Variants in RBM28 observed in about 807,000 individuals in gnomAD.
RBM28 encodes RNA-binding protein 28.
Under a neutral mutation model 98.3 loss-of-function variants are expected in RBM28, and 78 were observed. The observed-to-expected ratio is 0.79, with a 90% CI of 0.66 to 0.96. The LOEUF (loss-of-function observed/expected upper bound fraction) is 0.96, where lower values mean the gene tolerates loss of function less well. Ranked by LOEUF, RBM28 falls within the 40% of genes least tolerant of loss-of-function variation. The pLI, the probability that RBM28 is intolerant of heterozygous loss-of-function variation, is 0.00. For missense variants in RBM28, 838 were observed against 913.0 expected (o/e 0.92, Z 1.06); for synonymous variants, 306 against 330.9 (o/e 0.92, Z 0.82).
rs997271538 is a variant in RBM28, at chr7:128,303,995, A to G, written c.*6802T>C. The G allele has an allele frequency of 1.3e-5, 2 of 152,194 alleles. No homozygotes were observed. The highest frequency in any genetic ancestry group is 2.9e-5 in the Non-Finnish European group (2 of 68,050). 9.4% of individuals were successfully genotyped at this position (152,194 alleles called of 1,614,324 possible). A position where few individuals can be genotyped will look rare whatever the true frequency, so the allele number is the denominator to read the frequency against. The stretch of plus-strand genomic sequence containing the variant: ...TGGGCAGAACACTACTTGGACAACT[A>G]AAAAAGCAAGTGGGGACATCTCAAA... On this transcript the variant is annotated 3_prime_UTR_variant, in exon 19 of 19. Transcript: ENST00000223073.
In RBM28 at chr7:128,343,800, G is replaced by A. The variant is rs945361403; in HGVS notation, c.-7C>T. ...ATAAGGTCAGGCCGGCCATGAGACC[G>A]GGAAACCCAAAGCGCGTGAGGACGC... On this transcript the variant is annotated 5_prime_UTR_variant, in exon 1 of 19. Coordinates refer to ENST00000223073, the MANE Select transcript of RBM28 (RefSeq NM_018077.3). 2 of 1,583,832 alleles carry A rather than the reference G, an allele frequency of 1.3e-6. No homozygotes were observed. Among genetic ancestry groups the A allele is most frequent in the African/African-American group, 1.4e-5 (1 of 73,920 alleles).
chr7:128,323,867 A>G (rs1796290011), intron 12 of RBM28, among the ~76,000 whole-genome samples: 2 of 152,248 alleles, frequency 1.3e-5, no homozygotes. Flanking sequence ...GCCCAAAGTC[A>G]GAAAGAAAGG....
intron 13 of RBM28, among the ~76,000 whole-genome samples, chr7:128,323,029 G>A (rs944253348): frequency 1.3e-5 from 2 of 151,964 alleles, no homozygotes; most frequent in African/African-American, 2.4e-5. Context: ...ATGAGTTATC[G>A]GTTAACATCG....
At chr7:128,323,409 A>G (rs1006698316) in intron 13 of RBM28, 118 bp downstream of exon 13, 6 of 1,174,814 alleles carry the variant, frequency 5.1e-6, no homozygotes, top group African/African-American at 4.5e-5. Context: ...TAACAGGGCA[A>G]TAAGTATGGT....
chr7:128,336,808 C>G (rs950361544), intron 6 of RBM28, among the ~76,000 whole-genome samples: 1 of 152,116 alleles, frequency 6.6e-6, no homozygotes. Context: ...GGCTGGAGTG[C>G]AGTGGGGTGA....
Position 128,299,266 on chromosome 7 carries a change from G to C in RBM28, c.*11531C>G, listed in dbSNP as rs1795750237. ...AGGCAAGGCAGGGAAGCAGGCTTAG[G>C]ATTGGCTAATCTGTATAACTTTGGC... On this transcript the variant is annotated 3_prime_UTR_variant, in exon 19 of 19. Coordinates refer to ENST00000223073, the MANE Select transcript of RBM28 (RefSeq NM_018077.3). 1 of 152,240 alleles carries C rather than the reference G, an allele frequency of 6.6e-6. No homozygotes were observed. Among genetic ancestry groups the C allele is most frequent in the Admixed American group, 6.5e-5 (1 of 15,270 alleles). 9.4% of individuals were successfully genotyped at this position (152,240 alleles called of 1,614,324 possible).
At chr7:128,311,677 A>G (rs1408969820) in intron 18 of RBM28, among the ~76,000 whole-genome samples, 1 of 152,212 alleles carries the variant, frequency 6.6e-6, no homozygotes, top group Non-Finnish European at 1.5e-5. Context: ...CACATCAAGC[A>G]TATGAAAACT....
intron 11 of RBM28, 130 bp downstream of exon 11, chr7:128,325,688 G>A: frequency 1.4e-6 from 1 of 707,518 alleles, no homozygotes; most frequent in South Asian, 1.5e-5. Context: ...AACACAAAGT[G>A]CTAAATAAGT....
intron 11 of RBM28, among the ~76,000 whole-genome samples, chr7:128,325,497 A>C (rs1796329536): frequency 6.6e-6 from 1 of 152,228 alleles, no homozygotes; most frequent in Non-Finnish European, 1.5e-5. Flanking sequence ...AGACGACCTT[A>C]ATACCTCATC....
chr7:128,343,744 C>G lies in RBM28; in HGVS notation c.50G>C (p.Ser17Thr). Residue 17 changes from serine (S) to threonine (T), a missense_variant, in exon 1 of 19, where the codon AGT (serine) becomes ACT (threonine). By Grantham distance (58) the Ser-to-Thr change is moderately conservative. Coordinates refer to ENST00000223073, the MANE Select transcript of RBM28 (RefSeq NM_018077.3). ...ACTGAACAGTTCCTCCAGCTGCTCA[C>G]TGCGGGCCGAGGGCGGGAGGCGGCC... ...FVGRLPPSAR[S>T]EQLEELFSQV... 6.2e-7 allele frequency: 1 copy of G among 1,610,954 alleles called. No homozygotes were observed.
intron 10 of RBM28, among the ~76,000 whole-genome samples, chr7:128,328,188 T>C (rs1796395609): frequency 6.6e-6 from 1 of 152,198 alleles, no homozygotes; most frequent in South Asian, 2.1e-4. Flanking sequence ...TACTATAGTG[T>C]ACAGCATTAA....
chr7:128,324,772 G>C, intron 11 of RBM28, 78 bp from the exon 12 acceptor site: 1 of 1,595,314 alleles, frequency 6.3e-7, no homozygotes, highest in Non-Finnish European at 8.6e-7. Flanking sequence ...CGAGCACTTT[G>C]GGAGGCTGAG....
intron 10 of RBM28, among the ~76,000 whole-genome samples, chr7:128,329,068 G>A (rs1796414820): frequency 6.6e-6 from 1 of 151,832 alleles, no homozygotes; most frequent in Admixed American, 6.6e-5. Context: ...CTCCTGAGTA[G>A]CTGGGATTTC....
intron 16 of RBM28, among the ~76,000 whole-genome samples, 188 bp downstream of exon 16, chr7:128,317,471 T>C (rs1437511263): frequency 6.6e-6 from 1 of 152,128 alleles, no homozygotes; most frequent in Non-Finnish European, 1.5e-5. Context: ...CCTTCTGCTG[T>C]AGAGCTATCA....
At position 128,307,529 on chromosome 7, in the gene RBM28, T is replaced by A. The variant is rs1262840664; in HGVS notation, c.*3268A>T. ...TGAATCACATGCCCTAACTTTATAA[T>A]AGAGGAAGGCACAGATCTCATTTTT... is the stretch of plus-strand genomic sequence containing the variant. On this transcript the variant is annotated 3_prime_UTR_variant, in exon 19 of 19. Coordinates refer to ENST00000223073, the MANE Select transcript of RBM28 (RefSeq NM_018077.3). The A allele has an allele frequency of 6.6e-6, 1 of 152,118 alleles. No individual in the cohort carries two copies. The highest frequency in any genetic ancestry group is 1.5e-5 in the Non-Finnish European group (1 of 68,036). The allele number at this position is 152,118 out of a possible 1,614,324, so 9.4% of individuals were successfully genotyped here. A position where few individuals can be genotyped will look rare whatever the true frequency, so the allele number is the denominator to read the frequency against.
intron 17 of RBM28, among the ~76,000 whole-genome samples, chr7:128,314,380 C>T (rs1474415783): frequency 6.6e-6 from 1 of 152,214 alleles, no homozygotes; most frequent in African/African-American, 2.4e-5. Context: ...CCATGGATAT[C>T]TCAAAAACCT....
In RBM28 at chr7:128,324,596, C is replaced by T. The variant is rs372809641; in HGVS notation, c.1302G>A (p.Pro434=). 5 of 1,614,090 alleles carry T rather than the reference C, an allele frequency of 3.1e-6. No homozygotes were observed. The highest frequency in any genetic ancestry group is 1.7e-5 in the Admixed American group (1 of 60,000). The change falls in exon 12 of 19, where the codon CCG becomes CCA. Residue 434 remains proline, a synonymous_variant. Coordinates refer to ENST00000223073, the MANE Select transcript of RBM28 (RefSeq NM_018077.3). Reference sequence around the variant, plus strand: ...CCAGATAGAGATTCCGGGTGCCAGTCGGCTTCTTCACCTTCGTCGTCTGAA... The same window carrying T: ...CCAGATAGAGATTCCGGGTGCCAGTTGGCTTCTTCACCTTCGTCGTCTGAA... ...AKLQTTKVKK[P]TGTRNLYLAR...
intron 10 of RBM28, among the ~76,000 whole-genome samples, chr7:128,329,751 C>T (rs1796432504): frequency 6.6e-6 from 1 of 151,874 alleles, no homozygotes; most frequent in Non-Finnish European, 1.5e-5. Flanking sequence ...TAGCCGGGTG[C>T]AGTGGTGGGC....
rs376945708 is a variant in RBM28, at chr7:128,325,876, T to C, written c.1145A>G (p.Gln382Arg). 1.3e-5 allele frequency: 21 copies of C among 1,613,596 alleles called. No homozygotes were observed. In the East Asian group the frequency reaches 4.2e-4, roughly 33 times the overall value. ...CTGAGCTGCTTCTTGAGTCATGAAC[T>C]GGGCAAATGCACAACCTGCACAAGG... is the stretch of plus-strand genomic sequence containing the variant. The part of the protein sequence containing the change: ...TEHSKGCAFA[Q>R]FMTQEAAQKC... The change falls in exon 11 of 19, where the codon CAG (glutamine) becomes CGG (arginine). Residue 382 changes from glutamine to arginine, a missense_variant. By Grantham distance (43) the Gln-to-Arg change is conservative (BLOSUM62 1). Transcript: ENST00000223073.
Sources: gnomAD v4.1 joint callset for allele counts (sites outside exome capture counted in the v4.1 genomes callset) on GRCh38, gnomAD v4.1.1 for gene constraint, MANE v1.5 for transcripts, NCBI Gene and HGNC (gene_info 2026-07-23, HGNC 2026-07-21) for gene names.